SLC35E2B: variants seen among roughly 807,000 people sequenced by gnomAD.
The protein encoded by SLC35E2B is solute carrier family 35 member E2B, also known as solute carrier family 35, member E2B.
A neutral mutation model predicts 32.4 loss-of-function variants in SLC35E2B; 18 were observed. That is an observed-to-expected ratio of 0.56 (90% CI 0.38 to 0.82). The LOEUF (loss-of-function observed/expected upper bound fraction) is 0.82. Ranked by LOEUF, SLC35E2B falls within the 40% of genes least tolerant of loss-of-function variation. SLC35E2B has a pLI of 0.00. For missense variants in SLC35E2B, 263 were observed against 469.5 expected (o/e 0.56, Z 4.06); for synonymous variants, 132 against 209.1 (o/e 0.63, Z 3.18).
In SLC35E2B at chr1:1,692,580, C is replaced by T. The variant is rs1644028694; in HGVS notation, c.-697G>A. ...CGGGCGCGAGGCCGCGGAGACAGCT[C>T]GGAGCTCGGCACTGGGGAGTGGCAC... On this transcript the variant is annotated 5_prime_UTR_variant, in exon 1 of 10. Transcript: ENST00000617444. 3 of 985,310 alleles carry T rather than the reference C, an allele frequency of 3.0e-6. No homozygotes were observed. Among genetic ancestry groups the T allele is most frequent in the Admixed American group, 1.2e-4 (2 of 16,262 alleles). The allele number at this position is 985,310 out of a possible 1,614,324, so 61.0% of individuals were successfully genotyped here.
At chr1:1,687,112 G>A (rs868828245) in intron 2 of SLC35E2B, among the ~76,000 whole-genome samples, 22 of 152,252 alleles carry the variant, frequency 1.4e-4, no homozygotes, top group Non-Finnish European at 2.8e-4. Flanking sequence ...AATGACCCCC[G>A]CGGTGTCGGC....
Position 1,662,780 on chromosome 1 carries a change from G to A in SLC35E2B, c.*3002C>T, listed in dbSNP as rs1263006086. The A allele has an allele frequency of 2.7e-6, 2 of 747,146 alleles. 1 individual carries two copies. The highest frequency in any genetic ancestry group is 1.3e-3 in the Middle Eastern group (2 of 1,566). The allele number at this position is 747,146 out of a possible 1,614,324, so 46.3% of individuals were successfully genotyped here. ...AGAAGCCGATGACCCAATTCGGGAG[G>A]TGGTTCAAGTGTTCTGTTCGTTTAC... On this transcript the variant is annotated 3_prime_UTR_variant, in exon 10 of 10. Coordinates refer to ENST00000617444, the MANE Select transcript of SLC35E2B (RefSeq NM_001290264.2).
chr1:1,687,398 G>A (rs1643965128), intron 2 of SLC35E2B, among the ~76,000 whole-genome samples: 1 of 151,814 alleles, frequency 6.6e-6, no homozygotes. Flanking sequence ...GCAATGTGGC[G>A]AAACCCTGTC....
chr1:1,680,179 T>C (rs1049016086), intron 2 of SLC35E2B, among the ~76,000 whole-genome samples: 1 of 151,736 alleles, frequency 6.6e-6, no homozygotes, highest in African/African-American at 2.4e-5. Flanking sequence ...TGCATGTCTG[T>C]AGTCCTAACT....
intron 6 of SLC35E2B, chr1:1,670,440 G>C: frequency 4.5e-6 from 1 of 221,130 alleles, no homozygotes; most frequent in Non-Finnish European, 8.1e-6. Flanking sequence ...TTTTTTTTTT[G>C]AGACAGAGTC....
In SLC35E2B at chr1:1,669,718, G is replaced by A. The variant is rs1419187910; in HGVS notation, c.780C>T (p.Phe260=). 2.6e-6 allele frequency: 4 copies of A among 1,546,930 alleles called. No individual in the cohort carries two copies. The highest frequency in any genetic ancestry group is 3.9e-5 in the Admixed American group (2 of 50,924). ...KYRFSAPELQ[F]YTSAAAVAML... ...TGGCCACCGCAGCGGCGCTGGTGTA[G>A]AACTGCAGCTCCGGGGCCCTGTGGG... The change falls in exon 8 of 10, where the codon TTC becomes TTT. Residue 260 remains phenylalanine, a synonymous_variant. Coordinates refer to ENST00000617444, the MANE Select transcript of SLC35E2B (RefSeq NM_001290264.2).
At chr1:1,684,113 G>A (rs1643924425) in intron 2 of SLC35E2B, among the ~76,000 whole-genome samples, 1 of 152,136 alleles carries the variant, frequency 6.6e-6, no homozygotes, top group African/African-American at 2.4e-5. Context: ...TAGACACTCA[G>A]CAGTCGTGAG....
intron 2 of SLC35E2B, among the ~76,000 whole-genome samples, chr1:1,687,785 C>T (rs1643969695): frequency 6.6e-6 from 1 of 151,278 alleles, no homozygotes; most frequent in African/African-American, 2.4e-5. Context: ...GTCCCAGCCA[C>T]TTAGGAGGCT....
rs867555943 is a variant in SLC35E2B at position 1,663,377 on chromosome 1, C to T, written c.*2405G>A. 7,457 of 950,104 alleles carry T rather than the reference C, an allele frequency of 7.8e-3. 572 individuals are homozygous for T. The African/African-American group carries it at 0.12, about 16-fold the overall frequency. The allele number at this position is 950,104 out of a possible 1,614,324, so 58.9% of individuals were successfully genotyped here. A position where few individuals can be genotyped will look rare whatever the true frequency, so the allele number is the denominator to read the frequency against. ...CAATCTTCAAAGAGGCCGGCAGCCACATTCTCGACGGGGAGGTGGACAAGG... is the reference window on the plus strand; with the variant it reads ...CAATCTTCAAAGAGGCCGGCAGCCATATTCTCGACGGGGAGGTGGACAAGG... On this transcript the variant is annotated 3_prime_UTR_variant, in exon 10 of 10. Coordinates refer to ENST00000617444, the MANE Select transcript of SLC35E2B (RefSeq NM_001290264.2).
At chr1:1,673,377 A>G in intron 5 of SLC35E2B, 1 of 442,916 alleles carries the variant, frequency 2.3e-6, no homozygotes, top group African/African-American at 2.0e-5. Flanking sequence ...TGGTGGTGAG[A>G]AAGTTATTAT....
chr1:1,668,749 A>G (rs748012201), intron 8 of SLC35E2B, among the ~76,000 whole-genome samples: 2 of 152,180 alleles, frequency 1.3e-5, no homozygotes. Context: ...CGTCACCATC[A>G]TCAGGAAAAT....
intron 2 of SLC35E2B, among the ~76,000 whole-genome samples, chr1:1,681,215 C>T (rs914172189): frequency 6.6e-6 from 1 of 151,616 alleles, no homozygotes; most frequent in African/African-American, 2.4e-5. Flanking sequence ...TTCTTTTTTT[C>T]GAGATAGAGT....
At position 1,665,355 on chromosome 1, in the gene SLC35E2B, C is replaced by T; in HGVS notation, c.*427G>A. The T allele has an allele frequency of 2.4e-6, 1 of 411,534 alleles. No homozygotes were observed. Among genetic ancestry groups the T allele is most frequent in the Non-Finnish European group, 4.3e-6 (1 of 232,692 alleles). The allele number at this position is 411,534 out of a possible 1,614,324, so 25.5% of individuals were successfully genotyped here. A position where few individuals can be genotyped will look rare whatever the true frequency, so the allele number is the denominator to read the frequency against. ...CCTCATGCCCAGGGCCAGTCTGCCG[C>T]CGGTCCAGGGCCTCAGGGCCTTCGA... On this transcript the variant is annotated 3_prime_UTR_variant, in exon 10 of 10. Coordinates refer to ENST00000617444, the MANE Select transcript of SLC35E2B (RefSeq NM_001290264.2).
In SLC35E2B at chr1:1,665,573, G is replaced by A; in HGVS notation, c.*209C>T. On this transcript the variant is annotated 3_prime_UTR_variant, in exon 10 of 10. Coordinates refer to ENST00000617444, the MANE Select transcript of SLC35E2B (RefSeq NM_001290264.2). ...GGCTCGGCGGACACAGTCAGCTACTGGTCTGGTCTCTACTCCAGGAAGCTG... is the reference window on the plus strand; with the variant it reads ...GGCTCGGCGGACACAGTCAGCTACTAGTCTGGTCTCTACTCCAGGAAGCTG... 1 of 725,628 alleles carries A rather than the reference G, an allele frequency of 1.4e-6. No homozygotes were observed. Among genetic ancestry groups the A allele is most frequent in the South Asian group, 1.9e-5 (1 of 52,170 alleles). The allele number at this position is 725,628 out of a possible 1,614,324, so 44.9% of individuals were successfully genotyped here.
intron 2 of SLC35E2B, among the ~76,000 whole-genome samples, chr1:1,682,488 A>C (rs1643908402): frequency 6.6e-6 from 1 of 152,104 alleles, no homozygotes; most frequent in Non-Finnish European, 1.5e-5. Flanking sequence ...CCAAGCCCAA[A>C]CCCACCGGAG....
In SLC35E2B at chr1:1,665,920, C is replaced by T. The variant is rs1482323751; in HGVS notation, c.1080G>A (p.Val360=). 8.4e-6 allele frequency: 13 copies of T among 1,551,308 alleles called. No individual in the cohort carries two copies. Among genetic ancestry groups the T allele is most frequent in the Admixed American group, 2.0e-5 (1 of 50,990 alleles). The stretch of plus-strand genomic sequence containing the variant: ...TGTTGTAGAGCAGGACCCCAACGGT[C>T]ACCAGGGCTGTGCCAACGGCCGACA... The part of the protein sequence containing the change: ...TSLSAVGTAL[V]TVGVLLYNKA... The change falls in exon 10 of 10, where the codon GTG becomes GTA. Residue 360 remains valine, a synonymous_variant. Coordinates refer to ENST00000617444, the MANE Select transcript of SLC35E2B (RefSeq NM_001290264.2).
In SLC35E2B at chr1:1,665,850, C is replaced by T; in HGVS notation, c.1150G>A (p.Ala384Thr). 1 of 1,550,786 alleles carries T rather than the reference C, an allele frequency of 6.4e-7. No homozygotes were observed. Among genetic ancestry groups the T allele is most frequent in the Admixed American group, 2.0e-5 (1 of 51,004 alleles). The stretch of plus-strand genomic sequence containing the variant: ...GTGTCGTCTGGGGCCCGGCCAGTGG[C>T]TGCAGCCAGGCTCTGCAGCGCCTCC... Reference protein sequence around the residue: ...QQEALQSLAAATGRAPDDTVE... With the variant: ...QQEALQSLAATTGRAPDDTVE... The change falls in exon 10 of 10, where the codon GCC becomes ACC. Residue 384 changes from alanine (A) to threonine (T), a missense_variant. Physicochemically the swap from Ala to Thr is moderately conservative, Grantham distance 58. Transcript: ENST00000617444.
At chr1:1,681,941 C>T (rs1251261652) in intron 2 of SLC35E2B, among the ~76,000 whole-genome samples, 1 of 126,638 alleles carries the variant, frequency 7.9e-6, no homozygotes, top group African/African-American at 3.0e-5. Context: ...GCCGAGATCG[C>T]GCCACTGCAC....
rs369227552 is a variant in SLC35E2B, at chr1:1,667,815, A to G, written c.980+512T>C. 4.6e-5 allele frequency among the ~76,000 whole-genome samples: 7 copies of G among 151,618 alleles called. No individual in the cohort carries two copies. The South Asian group carries it at 1.3e-3, about 27-fold the overall frequency. ...AGATTTCCCTAAATACCTATTTCAC[A>G]CAGTTTACGGTTTATTTTACAGTTT... On this transcript the variant is annotated intron_variant, in intron 9 of 9. Transcript: ENST00000617444.
Sources: gnomAD v4.1 joint callset for allele counts (sites outside exome capture counted in the v4.1 genomes callset) on GRCh38, gnomAD v4.1.1 for gene constraint, MANE v1.5 for transcripts, NCBI Gene and HGNC (gene_info 2026-07-23, HGNC 2026-07-21) for gene names.